The following PEX7 variants were observed in gnomAD, a reference collection of about 807,000 sequenced individuals.
The protein encoded by PEX7 is peroxisomal biogenesis factor 7, also known as PTS2 receptor.
PEX7 carries 34 observed loss-of-function variants against 47.5 expected under a neutral mutation model. The ratio of observed to expected loss-of-function variants is 0.72; its 90% CI spans 0.54 to 0.95. The LOEUF (loss-of-function observed/expected upper bound fraction) is 0.95. Ranked by LOEUF, PEX7 falls within the 40% of genes least tolerant of loss-of-function variation. The pLI, the probability that PEX7 is intolerant of heterozygous loss-of-function variation, is 0.00. For missense variants in PEX7, 394 were observed against 400.3 expected (o/e 0.98, Z 0.13); for synonymous variants, 141 against 148.8 (o/e 0.95, Z 0.38).
At chr6:136,832,648 A>G (rs761663309) in intron 3 of PEX7, among the ~76,000 whole-genome samples, 70 of 152,310 alleles carry the variant, frequency 4.6e-4, no homozygotes, top group Non-Finnish European at 9.1e-4. Flanking sequence ...GCATGTGACT[A>G]TACACTTTTA....
At chr6:136,852,129 T>A (rs1004675158) in intron 5 of PEX7, among the ~76,000 whole-genome samples, 3 of 144,568 alleles carry the variant, frequency 2.1e-5, no homozygotes, top group African/African-American at 5.2e-5. Flanking sequence ...GTTTTTATGG[T>A]TTTAGGTCTA....
chr6:136,861,895 TTATA>T, intron 5 of PEX7, among the ~76,000 whole-genome samples: 1 of 146,122 alleles, frequency 6.8e-6, no homozygotes, highest in Non-Finnish European at 1.5e-5. Context: ...TTCACTATGT[TTATA>T]TATATATTCA....
At chr6:136,881,154 G>A (rs1304278070) in intron 8 of PEX7, among the ~76,000 whole-genome samples, 1 of 152,142 alleles carries the variant, frequency 6.6e-6, no homozygotes, top group Non-Finnish European at 1.5e-5. Flanking sequence ...TGTAGAGAAA[G>A]AACAAAAATT....
chr6:136,884,203 A>C lies in PEX7; in HGVS notation c.803+11950A>C, dbSNP rs374668038. Among the ~76,000 whole-genome samples, 15 of 152,316 alleles carry C rather than the reference A, an allele frequency of 9.8e-5. No homozygotes were observed. In the East Asian group the frequency reaches 2.5e-3, roughly 25 times the overall value. ...CTAATGCCTGTGTGAGTCTAGTCTC[A>C]TTATTTGAATGTGGTGACCACTGAT... On this transcript the variant is annotated intron_variant, in intron 8 of 9. Transcript: ENST00000318471.
chr6:136,822,889 T>C lies in PEX7; in HGVS notation c.130+94T>C, dbSNP rs13220063. ...CCTCGCGCTCGAGGGAAAGCCCCTC[T>C]GAGCGTAGACGGTTCCGCGGGTCCA... On this transcript the variant is annotated intron_variant, in intron 1 of 9. Transcript: ENST00000318471. 127,381 of 1,222,642 alleles carry C rather than the reference T, an allele frequency of 0.1. 7,124 individuals are homozygous for C. The highest frequency in any genetic ancestry group is 0.14 in the Admixed American group (3,054 of 22,418). 75.7% of individuals were successfully genotyped at this position (1,222,642 alleles called of 1,614,324 possible). A position where few individuals can be genotyped will look rare whatever the true frequency, so the allele number is the denominator to read the frequency against.
At chr6:136,877,633 G>A (rs1208164313) in intron 8 of PEX7, among the ~76,000 whole-genome samples, 2 of 152,096 alleles carry the variant, frequency 1.3e-5, no homozygotes, top group Non-Finnish European at 2.9e-5. Flanking sequence ...TAGATGTGTG[G>A]CATTATTTCT....
intron 5 of PEX7, among the ~76,000 whole-genome samples, chr6:136,852,114 C>T (rs1774767986): frequency 1.5e-5 from 2 of 136,956 alleles, no homozygotes; most frequent in South Asian, 4.9e-4. Flanking sequence ...AGGTTTTCTT[C>T]TAGGGTTTTT....
intron 5 of PEX7, among the ~76,000 whole-genome samples, chr6:136,851,044 C>T (rs1774740474): frequency 9.8e-6 from 1 of 101,706 alleles, no homozygotes; most frequent in Non-Finnish European, 1.9e-5. Context: ...TACATGTGCA[C>T]ATTGTGCAGG....
At chr6:136,831,220 G>A (rs972659398) in intron 3 of PEX7, among the ~76,000 whole-genome samples, 1 of 152,126 alleles carries the variant, frequency 6.6e-6, no homozygotes, top group Non-Finnish European at 1.5e-5. Context: ...AGGTGAAGGG[G>A]AAGTAGATAA....
At chr6:136,839,908 G>A (rs1379303256) in intron 3 of PEX7, among the ~76,000 whole-genome samples, 1 of 152,204 alleles carries the variant, frequency 6.6e-6, no homozygotes, top group African/African-American at 2.4e-5. Flanking sequence ...GTCTAATGTG[G>A]TAAGCGCTGT....
chr6:136,896,806 T>G (rs1223013007), intron 8 of PEX7, among the ~76,000 whole-genome samples: 2 of 152,248 alleles, frequency 1.3e-5, no homozygotes, highest in Non-Finnish European at 2.9e-5. Flanking sequence ...TGCAAATCAG[T>G]GAATAACCAT....
chr6:136,827,316 T>C (rs1562726419), intron 3 of PEX7, among the ~76,000 whole-genome samples: 1 of 152,214 alleles, frequency 6.6e-6, no homozygotes. Context: ...TGAAAAATTT[T>C]AGTTTCTATT....
At chr6:136,823,611 C>T (rs1774128257) in intron 1 of PEX7, among the ~76,000 whole-genome samples, 1 of 151,982 alleles carries the variant, frequency 6.6e-6, no homozygotes, top group South Asian at 2.1e-4. Flanking sequence ...AAAGGCCAAG[C>T]GCCGTGCGGT....
At chr6:136,908,781 T>C (rs1775885353) in intron 9 of PEX7, among the ~76,000 whole-genome samples, 1 of 152,216 alleles carries the variant, frequency 6.6e-6, no homozygotes, top group Non-Finnish European at 1.5e-5. Flanking sequence ...TTATAACTTT[T>C]AAATTGCCTT....
At chr6:136,869,426 C>T (rs1775134355) in intron 6 of PEX7, among the ~76,000 whole-genome samples, 1 of 151,800 alleles carries the variant, frequency 6.6e-6, no homozygotes, top group Non-Finnish European at 1.5e-5. Context: ...TTTGGGTAGA[C>T]AGGGTCTTGC....
chr6:136,863,084 A>T (rs780112046), intron 5 of PEX7, among the ~76,000 whole-genome samples: 2 of 152,212 alleles, frequency 1.3e-5, no homozygotes, highest in Non-Finnish European at 2.9e-5. Flanking sequence ...CGTTGGAGTT[A>T]TTTGAAGCTC....
intron 9 of PEX7, among the ~76,000 whole-genome samples, chr6:136,909,880 C>A (rs1235992717): frequency 6.6e-6 from 1 of 152,034 alleles, no homozygotes; most frequent in Non-Finnish European, 1.5e-5. Flanking sequence ...TTATAGATAC[C>A]TTGCACTAGA....
chr6:136,843,547 T>C (rs1774541146), intron 3 of PEX7, among the ~76,000 whole-genome samples: 1 of 152,202 alleles, frequency 6.6e-6, no homozygotes, highest in Non-Finnish European at 1.5e-5. Flanking sequence ...GCCTGTAAAA[T>C]CTAAAGTATT....
chr6:136,892,927 CCA>C (rs1477835508), intron 8 of PEX7, among the ~76,000 whole-genome samples: 2 of 152,056 alleles, frequency 1.3e-5, no homozygotes, highest in Non-Finnish European at 2.9e-5. Context: ...TCTTTTTGGA[CCA>C]CTGATCTTCC....
Sources: allele counts gnomAD v4.1 joint callset (sites outside exome capture counted in the v4.1 genomes callset), GRCh38; gene constraint gnomAD v4.1.1; transcripts MANE v1.5; gene names NCBI Gene and HGNC (gene_info 2026-07-23, HGNC 2026-07-21).